The following ST6GAL1 variants were observed in gnomAD, a reference collection of about 807,000 sequenced individuals.
ST6GAL1 encodes beta-galactoside alpha-2,6-sialyltransferase 1.
In ST6GAL1, 20 loss-of-function variants were observed where a neutral mutation model predicts 38.0. The observed-to-expected ratio is 0.53, with a 90% confidence interval of 0.37 to 0.77. The LOEUF is 0.77. ST6GAL1 is among the 30% of genes least tolerant of loss of function. ST6GAL1 has a pLI of 0.00. For synonymous variants in ST6GAL1, 196 were observed against 188.2 expected, an observed-to-expected ratio of 1.04 and a Z score of -0.34; for missense variants, 432 against 496.4, an observed-to-expected ratio of 0.87 and a Z score of 1.23.
chr3:187,050,252 C>T (rs1480026014), intron 4 of ST6GAL1, among the ~76,000 whole-genome samples: 1 of 152,176 alleles, frequency 6.6e-6, no homozygotes, highest in Non-Finnish European at 1.5e-5. Context: ...ACCCCCAGAT[C>T]CCGTGTAGAT....
intron 5 of ST6GAL1, among the ~76,000 whole-genome samples, chr3:187,058,061 A>G (rs772079329): frequency 2.0e-5 from 3 of 152,206 alleles, no homozygotes; most frequent in Non-Finnish European, 2.9e-5. Flanking sequence ...CTGCTGCACT[A>G]GCAGTGAGCA....
At chr3:186,953,739 C>T (rs1000728710) in intron 1 of ST6GAL1, among the ~76,000 whole-genome samples, 2 of 151,998 alleles carry the variant, frequency 1.3e-5, no homozygotes, top group African/African-American at 4.8e-5. Context: ...TAACAAAATC[C>T]TCACAATGAC....
At chr3:187,043,840 T>C (rs1255994302) in intron 4 of ST6GAL1, 1 of 152,326 alleles carries the variant, frequency 6.6e-6, no homozygotes, top group Non-Finnish European at 1.5e-5. Context: ...CTGTTGTTTT[T>C]CCTGATTAGT....
intron 5 of ST6GAL1, among the ~76,000 whole-genome samples, chr3:187,064,189 A>T (rs929701490): frequency 1.3e-5 from 2 of 152,208 alleles, no homozygotes; most frequent in African/African-American, 4.8e-5. Flanking sequence ...ACAGATATTA[A>T]AAATGAATTC....
At chr3:187,024,443 T>TAC (rs1249142480) in intron 2 of ST6GAL1, among the ~76,000 whole-genome samples, 1 of 93,730 alleles carries the variant, frequency 1.1e-5, no homozygotes, top group Non-Finnish European at 2.3e-5. Context: ...TATATATATA[T>TAC]ACACACACAC....
At chr3:186,933,463 C>T (rs980356497) in intron 1 of ST6GAL1, among the ~76,000 whole-genome samples, 2 of 152,028 alleles carry the variant, frequency 1.3e-5, no homozygotes, top group African/African-American at 2.4e-5. Flanking sequence ...AACGCGGGTA[C>T]AAGCTATAAT....
intron 2 of ST6GAL1, among the ~76,000 whole-genome samples, chr3:186,992,811 A>G (rs1024219196): frequency 6.0e-5 from 9 of 149,734 alleles, no homozygotes; most frequent in Non-Finnish European, 8.9e-5. Context: ...CAACAACAAC[A>G]AATATTTGAG....
chr3:186,933,152 C>T (rs934969978), intron 1 of ST6GAL1, among the ~76,000 whole-genome samples: 5 of 152,218 alleles, frequency 3.3e-5, no homozygotes, highest in African/African-American at 1.2e-4. Flanking sequence ...CATATACCCA[C>T]TTTTTCCTAA....
At chr3:187,025,139 G>C (rs1438664299) in intron 2 of ST6GAL1, among the ~76,000 whole-genome samples, 1 of 152,018 alleles carries the variant, frequency 6.6e-6, no homozygotes, top group African/African-American at 2.4e-5. Context: ...ATGGGAGTTA[G>C]TTGATGCGTT....
chr3:186,978,107 A>T (rs571564324), intron 2 of ST6GAL1, among the ~76,000 whole-genome samples: 41 of 152,298 alleles, frequency 2.7e-4, no homozygotes, highest in African/African-American at 9.4e-4. Flanking sequence ...GCTACTTGGG[A>T]GGCTGAGGCT....
chr3:187,047,906 A>G (rs1006280670), intron 4 of ST6GAL1, among the ~76,000 whole-genome samples: 1 of 151,828 alleles, frequency 6.6e-6, no homozygotes, highest in Admixed American at 6.6e-5. Flanking sequence ...CATCTCCTCA[A>G]AAAAGTTTTC....
At chr3:187,041,806 A>G (rs1348178185) in intron 3 of ST6GAL1, 1 of 152,180 alleles carries the variant, frequency 6.6e-6, no homozygotes, top group Admixed American at 6.5e-5. Context: ...GTATTAGACT[A>G]TGCTATGCGT....
rs11917671 is a variant in ST6GAL1, at chr3:187,056,766, G to C, written c.705+5420G>C. On this transcript the variant is annotated intron_variant, in intron 5 of 7. Coordinates refer to ENST00000169298, the MANE Select transcript of ST6GAL1 (RefSeq NM_173216.2). ...CCTTCATTTCAACCTTGGTGAATCT[G>C]ACAATTATGTGTCTTGGGGTTGCTC... Among the ~76,000 whole-genome samples the C allele has an allele frequency of 3.4e-3, 513 of 152,190 alleles. 3 individuals are homozygous for C. Among genetic ancestry groups the C allele is most frequent in the African/African-American group, 0.012 (495 of 41,498 alleles).
chr3:186,991,350 G>T (rs1235979402), intron 2 of ST6GAL1, among the ~76,000 whole-genome samples: 3 of 152,258 alleles, frequency 2.0e-5, no homozygotes, highest in South Asian at 4.2e-4. Flanking sequence ...GAAAGGTCAT[G>T]CCCTAATAGA....
At chr3:187,051,210 G>A (rs368908576) in intron 4 of ST6GAL1, 39 bp from the exon 5 acceptor site, 4 of 1,570,566 alleles carry the variant, frequency 2.5e-6, no homozygotes, top group South Asian at 1.1e-5. Flanking sequence ...CATATTGCCA[G>A]TGCTCATCAC....
intron 2 of ST6GAL1, among the ~76,000 whole-genome samples, chr3:186,977,764 A>G (rs187940521): frequency 9.2e-4 from 140 of 152,354 alleles, no homozygotes; most frequent in Non-Finnish European, 1.6e-4. Flanking sequence ...TAAAAGACAC[A>G]TAAAATAAAA....
chr3:187,015,744 T>G (rs1392797474), intron 2 of ST6GAL1, among the ~76,000 whole-genome samples: 2 of 151,416 alleles, frequency 1.3e-5, no homozygotes, highest in Non-Finnish European at 2.9e-5. Flanking sequence ...GAGGCTGAGG[T>G]GGGAGGATTG....
At chr3:186,941,385 G>A (rs2108515519) in intron 1 of ST6GAL1, among the ~76,000 whole-genome samples, 1 of 152,346 alleles carries the variant, frequency 6.6e-6, no homozygotes, top group East Asian at 1.9e-4. Context: ...CCCCTCCAGA[G>A]AGTGATAAAA....
chr3:186,988,568 G>C (rs1412868813), intron 2 of ST6GAL1, among the ~76,000 whole-genome samples: 1 of 149,454 alleles, frequency 6.7e-6, no homozygotes, highest in African/African-American at 2.5e-5. Context: ...TTTGGGGTGG[G>C]GGGGTGGTGG....
Sources: allele counts gnomAD v4.1 joint callset (sites outside exome capture counted in the v4.1 genomes callset), GRCh38; gene constraint gnomAD v4.1.1; transcripts MANE v1.5; gene names NCBI Gene and HGNC (gene_info 2026-07-23, HGNC 2026-07-21).